Variants in CERS3 observed in about 807,000 individuals in gnomAD.
The protein encoded by CERS3 is ceramide synthase 3.
CERS3 carries 33 observed loss-of-function variants against 50.3 expected under a neutral mutation model. The observed-to-expected ratio is 0.66, with a 90% CI of 0.50 to 0.88. The LOEUF (loss-of-function observed/expected upper bound fraction) is 0.88. Ranked by LOEUF, CERS3 falls within the 40% of genes least tolerant of loss-of-function variation. The pLI is 0.00. For synonymous variants in CERS3, 176 were observed against 155.2 expected (o/e 1.13, Z -0.99); for missense variants, 470 against 460.3 (o/e 1.02, Z -0.19).
At chr15:100,408,588 C>T (rs140802312) in intron 11 of CERS3, 9 of 152,032 alleles carry the variant, frequency 5.9e-5, no homozygotes, top group South Asian at 4.2e-4. Context: ...AGTGTGGCTC[C>T]GATAGGATTG....
rs2035232492 is a variant in CERS3 at position 100,479,438 on chromosome 15, T to G, written c.506A>C (p.Tyr169Ser). ...LYDLWEVWNG[Y>S]PKQPLLPSQY... ...TTATAGTGGACTTACCTGTTTGGGA[T>G]AGCCATTCCAAACCTCCCATAAGTC... The change falls in exon 7 of 12, where the codon TAT becomes TCT. Residue 169 changes from tyrosine to serine, a missense_variant. By Grantham distance (144) the Tyr-to-Ser change is moderately radical (BLOSUM62 -2). Transcript: ENST00000679737. 6 of 1,604,480 alleles carry G rather than the reference T, an allele frequency of 3.7e-6. No individual in the cohort carries two copies. Among genetic ancestry groups the G allele is most frequent in the Non-Finnish European group, 5.1e-6 (6 of 1,176,518 alleles).
At chr15:100,411,433 A>T (rs530215828) in intron 11 of CERS3, among the ~76,000 whole-genome samples, 2 of 152,230 alleles carry the variant, frequency 1.3e-5, no homozygotes, top group Admixed American at 1.3e-4. Context: ...AAGTGTTGGG[A>T]TTACAGACGT....
At chr15:100,527,320 G>A (rs2036823024) in intron 1 of CERS3, among the ~76,000 whole-genome samples, 1 of 152,130 alleles carries the variant, frequency 6.6e-6, no homozygotes, top group East Asian at 1.9e-4. Flanking sequence ...AGGAATTTCA[G>A]TGACTTGCCA....
intron 11 of CERS3, among the ~76,000 whole-genome samples, chr15:100,445,235 C>A (rs1326325826): frequency 7.4e-6 from 1 of 134,274 alleles, no homozygotes; most frequent in Non-Finnish European, 1.6e-5. Flanking sequence ...AAAAACTTGT[C>A]ATCCCTACTA....
At chr15:100,476,934 C>T (rs918182663) in intron 7 of CERS3, among the ~76,000 whole-genome samples, 1 of 152,222 alleles carries the variant, frequency 6.6e-6, no homozygotes, top group Non-Finnish European at 1.5e-5. Flanking sequence ...ATGTAAGAAA[C>T]CTGAGCCATC....
rs533263586 is a variant in CERS3, at chr15:100,466,125, C to T, written c.845+3253G>A. Among the ~76,000 whole-genome samples, 17 of 152,232 alleles carry T rather than the reference C, an allele frequency of 1.1e-4. 1 individual carries two copies. In the South Asian group the frequency reaches 3.5e-3, roughly 32 times the overall value. ...CATGTAACTCAATTCTCCTTGAAAA[C>T]CAGAAATGCTGGCATGAGAATGAGT... On this transcript the variant is annotated intron_variant, in intron 10 of 11. Coordinates refer to ENST00000679737, the MANE Select transcript of CERS3 (RefSeq NM_001378789.1).
At chr15:100,405,823 A>T (rs2030981363) in intron 11 of CERS3, among the ~76,000 whole-genome samples, 2 of 152,252 alleles carry the variant, frequency 1.3e-5, no homozygotes, top group Admixed American at 1.3e-4. Context: ...TTTTCCTGAT[A>T]ATAATTTTAA....
chr15:100,476,350 G>A (rs1435841461), intron 7 of CERS3, among the ~76,000 whole-genome samples, 172 bp from the exon 8 acceptor site: 1 of 152,002 alleles, frequency 6.6e-6, no homozygotes, highest in Non-Finnish European at 1.5e-5. Flanking sequence ...ATATTTTAAG[G>A]CATTTTATTT....
intron 8 of CERS3, among the ~76,000 whole-genome samples, chr15:100,474,182 G>C (rs1323202765): frequency 6.6e-6 from 1 of 152,132 alleles, no homozygotes; most frequent in Non-Finnish European, 1.5e-5. Context: ...TTCTTGGGAT[G>C]ACACAAATGT....
chr15:100,490,923 G>A lies in CERS3; in HGVS notation c.182C>T (p.Ala61Val). The A allele has an allele frequency of 1.3e-6, 2 of 1,580,276 alleles. No homozygotes were observed. Among genetic ancestry groups the A allele is most frequent in the Non-Finnish European group, 1.7e-6 (2 of 1,161,362 alleles). Residue 61 changes from alanine (A) to valine (V), a missense_variant, in exon 4 of 12, where the codon GCT (alanine) becomes GTT (valine). Transcript: ENST00000679737. ...GCCAAATGATTTTGCTAGAGGTGAA[G>A]CAACAAATCTACAAAAATATGAAAA... ...IIRRVFEKFV[A>V]SPLAKSFGIK...
intron 11 of CERS3, among the ~76,000 whole-genome samples, chr15:100,430,464 T>C (rs2033069425): frequency 6.6e-6 from 1 of 152,226 alleles, no homozygotes; most frequent in Admixed American, 6.5e-5. Flanking sequence ...CCTCTGGGAA[T>C]GACATCTGTA....
At chr15:100,504,852 A>G (rs1425759049) in intron 2 of CERS3, among the ~76,000 whole-genome samples, 1 of 152,234 alleles carries the variant, frequency 6.6e-6, no homozygotes, top group Non-Finnish European at 1.5e-5. Context: ...TGCCTGAACC[A>G]TCTGACATAA....
intron 10 of CERS3, among the ~76,000 whole-genome samples, chr15:100,457,639 A>G (rs1596695396): frequency 6.6e-6 from 1 of 152,310 alleles, no homozygotes; most frequent in East Asian, 1.9e-4. Context: ...ATTCATGCAG[A>G]TATTTATATG....
intron 3 of CERS3, among the ~76,000 whole-genome samples, chr15:100,496,673 T>C (rs1048177824): frequency 4.6e-5 from 7 of 152,144 alleles, no homozygotes; most frequent in Non-Finnish European, 1.0e-4. Context: ...AAATCAAACC[T>C]CAATAAAGCA....
intron 1 of CERS3, among the ~76,000 whole-genome samples, chr15:100,536,985 T>G (rs544971782): frequency 1.3e-5 from 2 of 152,332 alleles, no homozygotes; most frequent in Non-Finnish European, 2.9e-5. Flanking sequence ...GTGCTTGAAA[T>G]ACAAAGATGA....
intron 11 of CERS3, among the ~76,000 whole-genome samples, chr15:100,405,325 CAAAT>C (rs1037216131): frequency 6.7e-6 from 1 of 149,610 alleles, no homozygotes; most frequent in African/African-American, 2.5e-5. Flanking sequence ...CACAGGATGA[CAAAT>C]AAGCATATGA....
chr15:100,404,059 C>T (rs2165757), intron 11 of CERS3, among the ~76,000 whole-genome samples: 55,721 of 151,966 alleles, frequency 0.37, 10,848 homozygotes, highest in East Asian at 0.55. Flanking sequence ...AATGTGAAGA[C>T]AGAGAAGAGA....
chr15:100,420,251 C>T (rs1383166524), intron 11 of CERS3, among the ~76,000 whole-genome samples: 2 of 144,802 alleles, frequency 1.4e-5, no homozygotes, highest in African/African-American at 2.6e-5. Context: ...AAGGGGATAT[C>T]ACCACCGATC....
chr15:100,405,824 ATAATT>A (rs985352764), intron 11 of CERS3, among the ~76,000 whole-genome samples: 3 of 152,268 alleles, frequency 2.0e-5, no homozygotes, highest in African/African-American at 7.2e-5. Flanking sequence ...TTTCCTGATA[ATAATT>A]TTAAAAATAA....
Sources: gnomAD v4.1 joint callset for allele counts (sites outside exome capture counted in the v4.1 genomes callset) on GRCh38, gnomAD v4.1.1 for gene constraint, MANE v1.5 for transcripts, NCBI Gene and HGNC (gene_info 2026-07-23, HGNC 2026-07-21) for gene names.